Variants in NEO1 observed in about 807,000 individuals in gnomAD.
The protein encoded by NEO1 is neogenin.
Under a neutral mutation model 159.7 loss-of-function variants are expected in NEO1, and 63 were observed. The ratio of observed to expected loss-of-function variants is 0.39; its 90% CI spans 0.32 to 0.49. The LOEUF (loss-of-function observed/expected upper bound fraction) is 0.49. NEO1 is among the 20% of genes least tolerant of loss of function. NEO1 has a pLI of 0.85. For missense variants in NEO1, 1,615 were observed against 1,831.0 expected (o/e 0.88, Z 2.15); for synonymous variants, 633 against 662.0 (o/e 0.96, Z 0.67).
At chr15:73,091,542 TTTG>T (rs1005799247) in intron 1 of NEO1, among the ~76,000 whole-genome samples, 29 of 151,850 alleles carry the variant, frequency 1.9e-4, no homozygotes, top group African/African-American at 5.3e-4. Context: ...CTGTATTCGT[TTTG>T]TTGTTGTTAT....
rs747845315 is a variant in NEO1 at position 73,126,400 on chromosome 15, A to AT, written c.725-3dup. The AT allele has an allele frequency of 0.03, 38,324 of 1,259,022 alleles. No homozygotes were observed. Among genetic ancestry groups the AT allele is most frequent in the South Asian group, 0.039 (2,664 of 68,894 alleles). 78.0% of individuals were successfully genotyped at this position (1,259,022 alleles called of 1,614,324 possible). A position where few individuals can be genotyped will look rare whatever the true frequency, so the allele number is the denominator to read the frequency against. On this transcript the variant is annotated splice_polypyrimidine_tract_variant and intron_variant, in intron 3 of 28. Transcript: ENST00000261908. ...TGTCCTTTAATTATTGTCTTTGTTA[A>AT]TTTTTTTTTTTTTTAGATCCTGAGG...
intron 1 of NEO1, among the ~76,000 whole-genome samples, chr15:73,095,530 G>GA (rs1421734993): frequency 1.3e-5 from 2 of 152,108 alleles, no homozygotes; most frequent in Non-Finnish European, 2.9e-5. Flanking sequence ...TCTATAAACA[G>GA]AAACTTTCAC....
intron 5 of NEO1, among the ~76,000 whole-genome samples, chr15:73,175,671 A>G (rs1450683576): frequency 3.3e-5 from 5 of 152,188 alleles, no homozygotes; most frequent in African/African-American, 7.2e-5. Flanking sequence ...CTTTTCAAAT[A>G]CAGATCGCTA....
Position 73,270,125 on chromosome 15 carries a change from C to T in NEO1, c.2610C>T (p.Ile870=), listed in dbSNP as rs1028612109. The change falls in exon 17 of 29, where the codon ATC becomes ATT. Residue 870 remains isoleucine, a synonymous_variant. Transcript: ENST00000261908. ...CTTCCATTCTGAGTCATGACACCAT[C>T]AGGATTACGTGGGCAGACAACTCGC... ...VQASILSHDT[I]RITWADNSLP... 5 of 1,614,040 alleles carry T rather than the reference C, an allele frequency of 3.1e-6. No homozygotes were observed. The highest frequency in any genetic ancestry group is 3.4e-6 in the Non-Finnish European group (4 of 1,180,040).
intron 4 of NEO1, among the ~76,000 whole-genome samples, chr15:73,130,314 C>CA (rs891443987): frequency 2.7e-5 from 4 of 149,524 alleles, no homozygotes; most frequent in Non-Finnish European, 4.5e-5. Context: ...TCCCGCCCCC[C>CA]CCGCCGCATA....
intron 7 of NEO1, among the ~76,000 whole-genome samples, chr15:73,181,406 T>C (rs556632216): frequency 5.9e-4 from 90 of 152,294 alleles, no homozygotes; most frequent in Non-Finnish European, 8.5e-4. Context: ...CTAAGGAGAT[T>C]GTGTTAGTCT....
At chr15:73,231,562 A>G (rs1211137468) in intron 7 of NEO1, among the ~76,000 whole-genome samples, 2 of 152,118 alleles carry the variant, frequency 1.3e-5, no homozygotes, top group Non-Finnish European at 2.9e-5. Flanking sequence ...GTGAAACCCC[A>G]TCTCTACTAA....
chr15:73,161,423 G>C (rs187116454), intron 5 of NEO1, among the ~76,000 whole-genome samples: 7 of 152,014 alleles, frequency 4.6e-5, no homozygotes, highest in Admixed American at 1.3e-4. Context: ...ATCTATAGTT[G>C]TGCCTCCATT....
intron 7 of NEO1, among the ~76,000 whole-genome samples, chr15:73,225,367 C>T (rs1372593716): frequency 6.6e-6 from 1 of 151,986 alleles, no homozygotes; most frequent in African/African-American, 2.4e-5. Flanking sequence ...CTAGAACTTC[C>T]AAGATTATAT....
In NEO1 at chr15:73,266,296, G is replaced by A. The variant is rs775136733; in HGVS notation, c.2399-20G>A. 6 of 1,584,780 alleles carry A rather than the reference G, an allele frequency of 3.8e-6. No homozygotes were observed. Among genetic ancestry groups the A allele is most frequent in the Non-Finnish European group, 5.2e-6 (6 of 1,161,610 alleles). On this transcript the variant is annotated intron_variant, in intron 15 of 28. Transcript: ENST00000261908. ...ATTCTGTAGTGAGCATTTTTTTAAT[G>A]TGTGTTTCTTTTTTTTCAGATCCCA...
At chr15:73,243,218 T>C (rs2039580567) in intron 8 of NEO1, among the ~76,000 whole-genome samples, 1 of 40,024 alleles carries the variant, frequency 2.5e-5, no homozygotes, top group South Asian at 7.4e-4. Flanking sequence ...TAAAATAAAG[T>C]AACTTAAAAG....
chr15:73,068,691 TCA>T (rs1429738114), intron 1 of NEO1, among the ~76,000 whole-genome samples: 2 of 152,106 alleles, frequency 1.3e-5, no homozygotes, highest in Admixed American at 1.3e-4. Context: ...AAAAATTTGT[TCA>T]GTTATTTTAG....
At chr15:73,196,554 G>A (rs968034505) in intron 7 of NEO1, among the ~76,000 whole-genome samples, 1 of 152,166 alleles carries the variant, frequency 6.6e-6, no homozygotes, top group African/African-American at 2.4e-5. Context: ...TGTAGCCTTG[G>A]CTATTTTTGT....
chr15:73,292,908 A>G (rs1243368575), intron 25 of NEO1, among the ~76,000 whole-genome samples: 1 of 152,260 alleles, frequency 6.6e-6, no homozygotes, highest in Non-Finnish European at 1.5e-5. Flanking sequence ...CAAAGGCAGA[A>G]TGAATTAGGA....
chr15:73,257,688 T>G (rs2040434766), intron 13 of NEO1, among the ~76,000 whole-genome samples: 1 of 152,354 alleles, frequency 6.6e-6, no homozygotes, highest in African/African-American at 2.4e-5. Flanking sequence ...ATAAACTCTA[T>G]AGGGTACTTA....
chr15:73,268,473 T>C (rs763498725), intron 16 of NEO1, among the ~76,000 whole-genome samples: 7 of 152,230 alleles, frequency 4.6e-5, no homozygotes, highest in Non-Finnish European at 8.8e-5. Context: ...CTGTAACTAA[T>C]TGGTATGTGT....
chr15:73,250,887 T>C (rs2040036112), intron 11 of NEO1, among the ~76,000 whole-genome samples: 1 of 152,158 alleles, frequency 6.6e-6, no homozygotes, highest in Non-Finnish European at 1.5e-5. Context: ...AAATATTAGA[T>C]ATGTTATTAG....
Position 73,270,368 on chromosome 15 carries a change from C to T in NEO1, c.2771C>T (p.Thr924Ile). The change falls in exon 18 of 29, where the codon ACA (threonine) becomes ATA (isoleucine). Residue 924 changes from threonine (T) to isoleucine (I), a missense_variant. By Grantham distance (89) the Thr-to-Ile change is moderately conservative. Transcript: ENST00000261908. ...TTGGTGACTGGTTTAAAGCCGAATA[C>T]ACTCTATGAATTCTCTGTGATGGTG... ...SYLVTGLKPN[T>I]LYEFSVMVTK... is the part of the protein sequence containing the mutation. The T allele has an allele frequency of 1.2e-6, 2 of 1,614,154 alleles. No individual in the cohort carries two copies. Among genetic ancestry groups the T allele is most frequent in the Non-Finnish European group, 1.7e-6 (2 of 1,180,028 alleles).
At chr15:73,124,846 A>G (rs562536676) in intron 3 of NEO1, among the ~76,000 whole-genome samples, 4 of 152,300 alleles carry the variant, frequency 2.6e-5, no homozygotes, top group African/African-American at 7.2e-5. Context: ...TGCTGCCAAA[A>G]ACACTTTCTG....
Sources: gnomAD v4.1 joint callset for allele counts (sites outside exome capture counted in the v4.1 genomes callset) on GRCh38, gnomAD v4.1.1 for gene constraint, MANE v1.5 for transcripts, NCBI Gene and HGNC (gene_info 2026-07-23, HGNC 2026-07-21) for gene names.